Variants in CPEB3 observed in about 807,000 individuals in gnomAD.
The protein encoded by CPEB3 is cytoplasmic polyadenylation element binding protein 3.
A neutral mutation model predicts 67.2 loss-of-function variants in CPEB3; 20 were observed. The ratio of observed to expected loss-of-function variants is 0.30; its 90% CI spans 0.21 to 0.43. The LOEUF is 0.43. Among genes scored for constraint, CPEB3 ranks in the 20% least tolerant of loss-of-function variants. The probability of loss-of-function intolerance (pLI) is 1.00; values close to 1 mark genes in which losing one functional copy is unlikely to be tolerated. For synonymous variants in CPEB3, 376 were observed against 393.1 expected (o/e 0.96, Z 0.51); for missense variants, 746 against 968.6 (o/e 0.77, Z 3.05).
At chr10:92,276,823 A>G (rs879370424) in intron 1 of CPEB3, among the ~76,000 whole-genome samples, 1 of 152,156 alleles carries the variant, frequency 6.6e-6, no homozygotes, top group Admixed American at 6.6e-5. Flanking sequence ...TGAGGGTTCC[A>G]ATTTCTTCAC....
Position 92,240,080 on chromosome 10 carries a change from G to A in CPEB3, c.271C>T (p.Pro91Ser). Residue 91 changes from proline to serine, a missense_variant, in exon 2 of 10, where the codon CCG (proline) becomes TCG (serine). Pro to Ser is a moderately conservative substitution (Grantham distance 74, BLOSUM62 -1). Around this residue, in one of 2 missense-constraint regions of CPEB3, gnomAD observed 643 missense variants for 717.5 expected, o/e 0.90. Transcript: ENST00000265997. Reference sequence around the variant, plus strand: ...GGTGCCGCGGGCTCCTGAGGCGGCGGCGGCTGCTGAGGAGGCTGATGGAAA... The same window carrying A: ...GGTGCCGCGGGCTCCTGAGGCGGCGACGGCTGCTGAGGAGGCTGATGGAAA... ...LSFHQPPQQP[P>S]PPQEPAAPGA... is the part of the protein sequence containing the mutation. 6.3e-7 allele frequency: 1 copy of A among 1,587,118 alleles called. No homozygotes were observed. The highest frequency in any genetic ancestry group is 8.6e-7 in the Non-Finnish European group (1 of 1,166,470).
At chr10:92,260,387 C>T (rs1006773096) in intron 1 of CPEB3, among the ~76,000 whole-genome samples, 1 of 151,822 alleles carries the variant, frequency 6.6e-6, no homozygotes, top group Admixed American at 6.6e-5. Flanking sequence ...CCCATCTCTA[C>T]TAAAAATACA....
chr10:92,121,507 CT>C (rs968077435), intron 6 of CPEB3, among the ~76,000 whole-genome samples: 3 of 150,782 alleles, frequency 2.0e-5, no homozygotes, highest in African/African-American at 7.3e-5. Context: ...ATTCTTAGAG[CT>C]TTTTTGTAGG....
rs753683395 is a variant in CPEB3 at position 92,239,439 on chromosome 10, G to C, written c.912C>G (p.Pro304=). 4.6e-5 allele frequency: 74 copies of C among 1,601,464 alleles called. No individual in the cohort carries two copies. Among genetic ancestry groups the C allele is most frequent in the Non-Finnish European group, 6.2e-5 (73 of 1,173,808 alleles). The change falls in exon 2 of 10, where the codon CCC becomes CCG. Residue 304 remains proline (P), a synonymous_variant. Transcript: ENST00000265997. The surrounding 1 kb of genome is among the most constrained non-coding windows in gnomAD (Gnocchi z 6.0). ...TGAGAGGGGCCGCGCGAGGGAACTT[G>C]GGCGGCGCGATCACGTTGCTGGAGA... ...KPFSSNVIAP[P]KFPRAAPLTS...
chr10:92,261,575 G>A (rs929327364), intron 1 of CPEB3, among the ~76,000 whole-genome samples: 1 of 152,088 alleles, frequency 6.6e-6, no homozygotes, highest in African/African-American at 2.4e-5. Flanking sequence ...AGCCTCCCAA[G>A]TAGCTGGGAT....
At chr10:92,226,706 G>A (rs950344130) in intron 2 of CPEB3, among the ~76,000 whole-genome samples, 2 of 152,152 alleles carry the variant, frequency 1.3e-5, no homozygotes, top group Non-Finnish European at 2.9e-5. Context: ...TAGCATAAGA[G>A]GAATTAGGGA....
At chr10:92,175,788 G>A (rs568502471) in intron 4 of CPEB3, among the ~76,000 whole-genome samples, 1 of 152,106 alleles carries the variant, frequency 6.6e-6, no homozygotes, top group South Asian at 2.1e-4. Context: ...ATTCCATCAG[G>A]AAAGCACCTA....
At position 92,081,511 on chromosome 10, in the gene CPEB3, A is replaced by T; in HGVS notation, c.1688-10T>A. 1.2e-6 allele frequency: 2 copies of T among 1,609,296 alleles called. No homozygotes were observed. On this transcript the variant is annotated splice_polypyrimidine_tract_variant and intron_variant, in intron 8 of 9. Transcript: ENST00000265997. Reference sequence around the variant, plus strand: ...ATCATTGCCAGTTCAACTGCAAAAAAAAAACAAAACATGGATGTGTATAAA... The same window carrying T: ...ATCATTGCCAGTTCAACTGCAAAAATAAAACAAAACATGGATGTGTATAAA...
intron 2 of CPEB3, among the ~76,000 whole-genome samples, chr10:92,228,698 G>A (rs1851104499): frequency 1.3e-5 from 2 of 150,158 alleles, no homozygotes; most frequent in African/African-American, 5.0e-5. Context: ...GTTCTTTGTC[G>A]AATTTATATA....
At chr10:92,278,535 T>A (rs1842100325) in intron 1 of CPEB3, among the ~76,000 whole-genome samples, 1 of 151,960 alleles carries the variant, frequency 6.6e-6, no homozygotes, top group South Asian at 2.1e-4. Flanking sequence ...CTAATTTACA[T>A]AAACACAATA....
intron 1 of CPEB3, among the ~76,000 whole-genome samples, chr10:92,277,499 T>C (rs181378881): frequency 3.3e-5 from 5 of 152,344 alleles, no homozygotes; most frequent in African/African-American, 1.2e-4. Flanking sequence ...CTGATCTAAA[T>C]TCTATTCTTA....
chr10:92,282,981 T>C (rs1379162172), intron 1 of CPEB3, among the ~76,000 whole-genome samples: 2 of 152,160 alleles, frequency 1.3e-5, no homozygotes, highest in East Asian at 3.9e-4. Flanking sequence ...CCAGGCACAG[T>C]GGTTCATGCC....
chr10:92,229,019 TA>T (rs1020227984), intron 2 of CPEB3, among the ~76,000 whole-genome samples: 41 of 151,814 alleles, frequency 2.7e-4, no homozygotes, highest in African/African-American at 9.7e-4. Flanking sequence ...GCCAATTTTT[TA>T]AAAAATATTT....
chr10:92,253,485 GA>G (rs948778171), intron 1 of CPEB3, among the ~76,000 whole-genome samples: 2 of 120,918 alleles, frequency 1.7e-5, no homozygotes, highest in Non-Finnish European at 3.5e-5. Flanking sequence ...AAAAAAAAAA[GA>G]AAAGAAAGAA....
intron 1 of CPEB3, among the ~76,000 whole-genome samples, chr10:92,289,992 G>A (rs1253880054): frequency 1.3e-5 from 2 of 149,804 alleles, no homozygotes; most frequent in African/African-American, 2.5e-5. Flanking sequence ...GTAAGCTTCT[G>A]GTCACATTTT....
chr10:92,073,731 C>T (rs973522434), intron 9 of CPEB3, among the ~76,000 whole-genome samples: 11 of 151,806 alleles, frequency 7.2e-5, no homozygotes, highest in African/African-American at 2.7e-4. Context: ...CCTCCCAAAA[C>T]ATTAGGATTA....
chr10:92,286,090 C>G (rs1842514794), intron 1 of CPEB3, among the ~76,000 whole-genome samples: 1 of 151,946 alleles, frequency 6.6e-6, no homozygotes, highest in Non-Finnish European at 1.5e-5. Flanking sequence ...CGCCCGCCAC[C>G]ATGCCCGGCT....
At chr10:92,268,106 G>A (rs576836168) in intron 1 of CPEB3, among the ~76,000 whole-genome samples, 1 of 152,188 alleles carries the variant, frequency 6.6e-6, no homozygotes, top group African/African-American at 2.4e-5. Flanking sequence ...CAGCCACCGC[G>A]ACCGGCCGAC....
chr10:92,228,715 TAC>T (rs968569678), intron 2 of CPEB3, among the ~76,000 whole-genome samples: 1 of 149,142 alleles, frequency 6.7e-6, no homozygotes, highest in African/African-American at 2.6e-5. Context: ...TATATATATA[TAC>T]ATTTTTTTTT....
Sources: allele counts gnomAD v4.1 joint callset (sites outside exome capture counted in the v4.1 genomes callset), GRCh38; gene constraint gnomAD v4.1.1; regional missense constraint gnomAD v4.1.1; non-coding constraint Gnocchi (gnomAD v3.1); transcripts MANE v1.5; gene names NCBI Gene and HGNC (gene_info 2026-07-23, HGNC 2026-07-21).